The following CDK14 variants were observed in gnomAD, a reference collection of about 807,000 sequenced individuals.
The protein encoded by CDK14 is cyclin-dependent kinase 14.
CDK14 carries 34 observed loss-of-function variants against 60.7 expected under a neutral mutation model. The observed-to-expected ratio is 0.56, with a 90% CI of 0.43 to 0.75. The LOEUF (loss-of-function observed/expected upper bound fraction) is 0.75. CDK14 is among the 30% of genes least tolerant of loss of function. The pLI, the probability that CDK14 is intolerant of heterozygous loss-of-function variation, is 0.00. For missense variants in CDK14, 482 were observed against 564.1 expected, an observed-to-expected ratio of 0.85 and a Z score of 1.47; for synonymous variants, 197 against 203.7, an observed-to-expected ratio of 0.97 and a Z score of 0.28.
chr7:91,132,000 T>TGCTGGTTG (rs1800132470), intron 14 of CDK14, among the ~76,000 whole-genome samples: 1 of 150,648 alleles, frequency 6.6e-6, no homozygotes, highest in African/African-American at 2.4e-5. Flanking sequence ...GAAGTTTTTT[T>TGCTGGTTG]GTTGGTTGGT....
At chr7:91,043,900 A>C (rs1210148648) in intron 10 of CDK14, among the ~76,000 whole-genome samples, 2 of 152,324 alleles carry the variant, frequency 1.3e-5, no homozygotes, top group South Asian at 4.1e-4. Context: ...TGCCACTCTG[A>C]CATCACTGCC....
chr7:91,081,279 C>T (rs1798476396), intron 12 of CDK14, among the ~76,000 whole-genome samples: 1 of 152,172 alleles, frequency 6.6e-6, no homozygotes, highest in Non-Finnish European at 1.5e-5. Context: ...CAGCATCTTT[C>T]ACTTAAGGAG....
At chr7:90,732,504 G>T (rs1219942912) in intron 3 of CDK14, among the ~76,000 whole-genome samples, 1 of 152,124 alleles carries the variant, frequency 6.6e-6, no homozygotes, top group Non-Finnish European at 1.5e-5. Context: ...ATTAATTACT[G>T]CCTCAATTTC....
intron 6 of CDK14, among the ~76,000 whole-genome samples, chr7:90,891,036 G>A (rs1029641324): frequency 2.6e-5 from 4 of 152,146 alleles, no homozygotes; most frequent in African/African-American, 9.7e-5. Context: ...GGGAAAATAA[G>A]CATCAAGGCA....
chr7:90,846,478 G>A (rs761145986), intron 5 of CDK14, among the ~76,000 whole-genome samples: 3 of 152,188 alleles, frequency 2.0e-5, no homozygotes, highest in Non-Finnish European at 4.4e-5. Flanking sequence ...TTCAGGAAAT[G>A]TTTGAATGGA....
At chr7:91,089,559 T>C (rs1336533424) in intron 12 of CDK14, among the ~76,000 whole-genome samples, 2 of 128,314 alleles carry the variant, frequency 1.6e-5, no homozygotes, top group Admixed American at 1.7e-4. Context: ...GAGGGCAGCA[T>C]GCTCTGAGGG....
At chr7:90,682,931 T>C (rs1400125243) in intron 2 of CDK14, among the ~76,000 whole-genome samples, 1 of 152,228 alleles carries the variant, frequency 6.6e-6, no homozygotes, top group African/African-American at 2.4e-5. Flanking sequence ...CCCTCAGGGT[T>C]TCACATCTGG....
chr7:90,861,697 C>T (rs1008239455), intron 5 of CDK14, among the ~76,000 whole-genome samples: 3 of 152,064 alleles, frequency 2.0e-5, no homozygotes, highest in African/African-American at 7.2e-5. Flanking sequence ...GAAAAAGAAA[C>T]AAGACAACCC....
rs1365259933 is a variant in CDK14 at position 90,649,235 on chromosome 7, A to AGTTTCTTTCTTTCTTTCTTTGTTTCTTT, written c.123+45006_123+45007insGTTTCTTTGTTTCTTTCTTTCTTTCTTT. ...AGAGTCAGCAACAGCTCTAGCCTAT[A>AGTTTCTTTCTTTCTTTCTTTGTTTCTTT]GTTTCTTTCTTTCTTTCTTTCTTTC... On this transcript the variant is annotated intron_variant, in intron 2 of 14. Coordinates refer to ENST00000380050, the MANE Select transcript of CDK14 (RefSeq NM_001287135.2). Among the ~76,000 whole-genome samples, 77 of 118,882 alleles carry AGTTTCTTTCTTTCTTTCTTTGTTTCTTT rather than the reference A, an allele frequency of 6.5e-4. 4 individuals carry two copies. The East Asian group carries it at 7.0e-3, about 11-fold the overall frequency. 78.0% of individuals were successfully genotyped at this position (118,882 alleles called of 152,430 possible).
chr7:90,796,011 A>G (rs1189843233), intron 5 of CDK14, among the ~76,000 whole-genome samples: 1 of 152,158 alleles, frequency 6.6e-6, no homozygotes, highest in African/African-American at 2.4e-5. Context: ...GAGGCACATT[A>G]AAGGTTAGCT....
chr7:90,942,663 A>G (rs1793971002), intron 8 of CDK14, among the ~76,000 whole-genome samples: 1 of 152,282 alleles, frequency 6.6e-6, no homozygotes, highest in East Asian at 1.9e-4. Flanking sequence ...TGCAGTCTCT[A>G]TGTTCCCTGA....
intron 7 of CDK14, among the ~76,000 whole-genome samples, chr7:90,900,554 T>G (rs1376777635): frequency 1.3e-5 from 2 of 152,200 alleles, no homozygotes; most frequent in African/African-American, 4.8e-5. Flanking sequence ...CTCTCATTTA[T>G]ACATCCACAT....
rs1806015926 is a variant in CDK14, at chr7:90,795,329, A to T, written c.544+4677A>T. ...ATTTGTAGTGGTTGTGCTTATGCTG[A>T]TTCTGTACATAGATGTGAGCACCAC... On this transcript the variant is annotated intron_variant, in intron 5 of 14. Coordinates refer to ENST00000380050, the MANE Select transcript of CDK14 (RefSeq NM_001287135.2). 5.9e-5 allele frequency among the ~76,000 whole-genome samples: 9 copies of T among 152,096 alleles called. No individual in the cohort carries two copies. In the South Asian group the frequency reaches 1.9e-3, roughly 31 times the overall value.
intron 9 of CDK14, among the ~76,000 whole-genome samples, chr7:90,978,041 A>G (rs961485209): frequency 6.6e-6 from 1 of 152,160 alleles, no homozygotes; most frequent in African/African-American, 2.4e-5. Flanking sequence ...GGTCGCTGGG[A>G]AAGACATTTC....
intron 2 of CDK14, chr7:90,709,888 C>T (rs1801999188): frequency 1.5e-6 from 2 of 1,304,948 alleles, no homozygotes; most frequent in African/African-American, 3.1e-5. Flanking sequence ...TGGCCTGGTG[C>T]AAACACATTG....
intron 14 of CDK14, among the ~76,000 whole-genome samples, chr7:91,177,179 C>A (rs1801797883): frequency 6.6e-6 from 1 of 151,546 alleles, no homozygotes; most frequent in East Asian, 1.9e-4. Flanking sequence ...AAATGTAATC[C>A]AGTATATAAA....
intron 8 of CDK14, among the ~76,000 whole-genome samples, chr7:90,952,365 T>C (rs542668442): frequency 9.2e-5 from 14 of 152,302 alleles, no homozygotes; most frequent in Admixed American, 7.9e-4. Context: ...AATTTTTTTA[T>C]TGGATAAGAG....
chr7:90,703,487 A>C (rs2116622244), intron 2 of CDK14, among the ~76,000 whole-genome samples: 1 of 152,312 alleles, frequency 6.6e-6, no homozygotes, highest in South Asian at 2.1e-4. Flanking sequence ...ATAAATAAGT[A>C]ATAAATACAT....
chr7:91,105,038 A>G (rs1307931993), intron 12 of CDK14, among the ~76,000 whole-genome samples: 2 of 152,238 alleles, frequency 1.3e-5, no homozygotes, highest in Non-Finnish European at 2.9e-5. Context: ...TACTACTCCT[A>G]GTACTAAAAG....
Sources: allele counts gnomAD v4.1 joint callset (sites outside exome capture counted in the v4.1 genomes callset), GRCh38; gene constraint gnomAD v4.1.1; transcripts MANE v1.5; gene names NCBI Gene and HGNC (gene_info 2026-07-23, HGNC 2026-07-21).